ARHGAP26: variants seen among roughly 807,000 people sequenced by gnomAD.
ARHGAP26 encodes the protein Rho GTPase activating protein 26.
In ARHGAP26, 38 loss-of-function variants were observed where a neutral mutation model predicts 104.8. The ratio of observed to expected loss-of-function variants is 0.36; its 90% confidence interval spans 0.28 to 0.48. ARHGAP26 has a LOEUF of 0.48. Among genes scored for constraint, ARHGAP26 ranks in the 20% least tolerant of loss-of-function variants. ARHGAP26 has a pLI of 0.99. For missense variants in ARHGAP26, 704 were observed against 947.9 expected (o/e 0.74, Z 3.38); for synonymous variants, 341 against 340.0 (o/e 1.00, Z -0.03).
intron 17 of ARHGAP26, among the ~76,000 whole-genome samples, chr5:143,117,810 A>G (rs957200392): frequency 6.6e-6 from 1 of 152,228 alleles, no homozygotes; most frequent in African/African-American, 2.4e-5. Flanking sequence ...GTTGAGATAC[A>G]TTCCCCAAAA....
chr5:143,050,392 A>G (rs542087729), intron 14 of ARHGAP26, among the ~76,000 whole-genome samples: 1 of 151,988 alleles, frequency 6.6e-6, no homozygotes, highest in Non-Finnish European at 1.5e-5. Context: ...TTAGTAAAAC[A>G]GAGAACACAA....
chr5:142,886,908 CTT>C (rs1362135664), intron 5 of ARHGAP26, among the ~76,000 whole-genome samples: 5 of 152,204 alleles, frequency 3.3e-5, no homozygotes, highest in African/African-American at 1.2e-4. Context: ...TGGAAACTAA[CTT>C]ATATTTAAAG....
At chr5:143,020,883 G>A (rs1041517613) in intron 12 of ARHGAP26, among the ~76,000 whole-genome samples, 7 of 151,682 alleles carry the variant, frequency 4.6e-5, no homozygotes, top group Non-Finnish European at 7.4e-5. Context: ...CTCATGATCC[G>A]CCCATCTCGG....
At chr5:142,996,775 T>C (rs2152771513) in intron 11 of ARHGAP26, among the ~76,000 whole-genome samples, 1 of 152,274 alleles carries the variant, frequency 6.6e-6, no homozygotes, top group South Asian at 2.1e-4. Flanking sequence ...AGGTTGGGGT[T>C]GCAGATTTAG....
intron 22 of ARHGAP26, among the ~76,000 whole-genome samples, chr5:143,215,479 C>A (rs1251080251): frequency 6.6e-6 from 1 of 151,880 alleles, no homozygotes; most frequent in Non-Finnish European, 1.5e-5. Context: ...GATAGCCATA[C>A]AACATACAAT....
At chr5:142,787,995 CTT>C (rs71576156) in intron 1 of ARHGAP26, among the ~76,000 whole-genome samples, 14 of 132,764 alleles carry the variant, frequency 1.1e-4, no homozygotes, top group Admixed American at 2.3e-4. Context: ...TTAACCAATT[CTT>C]TTTTTTTTTT....
intron 17 of ARHGAP26, among the ~76,000 whole-genome samples, chr5:143,108,869 T>C (rs747415727): frequency 5.3e-5 from 8 of 152,222 alleles, no homozygotes; most frequent in Non-Finnish European, 1.2e-4. Context: ...TTTACATCTC[T>C]TGGGAAGTGA....
intron 11 of ARHGAP26, among the ~76,000 whole-genome samples, chr5:142,935,785 G>A (rs902614065): frequency 6.6e-6 from 1 of 152,120 alleles, no homozygotes; most frequent in African/African-American, 2.4e-5. Context: ...AAGAAAAGCA[G>A]CACAGTTTCT....
chr5:142,988,290 A>G (rs1217583449), intron 11 of ARHGAP26, among the ~76,000 whole-genome samples: 1 of 152,180 alleles, frequency 6.6e-6, no homozygotes, highest in East Asian at 1.9e-4. Context: ...AGGTGTTTAT[A>G]GTATTCTCTG....
chr5:143,097,587 G>A (rs1019893680), intron 17 of ARHGAP26, among the ~76,000 whole-genome samples: 7 of 151,808 alleles, frequency 4.6e-5, no homozygotes, highest in African/African-American at 9.7e-5. Context: ...TTGGGAGGTC[G>A]AGGCGGGTGG....
At chr5:143,031,936 CT>C (rs1176869332) in intron 12 of ARHGAP26, among the ~76,000 whole-genome samples, 1 of 152,108 alleles carries the variant, frequency 6.6e-6, no homozygotes, top group Non-Finnish European at 1.5e-5. Flanking sequence ...TGCCTCCAGC[CT>C]CCCGGGGTTC....
chr5:143,059,900 T>C (rs1786443996), intron 17 of ARHGAP26, among the ~76,000 whole-genome samples: 1 of 152,172 alleles, frequency 6.6e-6, no homozygotes, highest in Non-Finnish European at 1.5e-5. Context: ...GCGTGCTGTG[T>C]TCTTGTCTCT....
chr5:143,034,794 C>A (rs1782378472), intron 12 of ARHGAP26, among the ~76,000 whole-genome samples: 1 of 152,008 alleles, frequency 6.6e-6, no homozygotes, highest in Non-Finnish European at 1.5e-5. Context: ...TGGATTCCAA[C>A]AGGTATTTGG....
chr5:143,208,305 C>T (rs1367936355), intron 21 of ARHGAP26, among the ~76,000 whole-genome samples: 4 of 152,188 alleles, frequency 2.6e-5, no homozygotes, highest in Non-Finnish European at 5.9e-5. Context: ...TTCAGACAAC[C>T]AAATTGTAGA....
At chr5:142,782,821 G>A (rs1406739255) in intron 1 of ARHGAP26, among the ~76,000 whole-genome samples, 2 of 152,180 alleles carry the variant, frequency 1.3e-5, no homozygotes, top group Admixed American at 1.3e-4. Flanking sequence ...AGCAGTGTAA[G>A]CAGGCCTGTG....
Position 143,013,348 on chromosome 5 carries a change from C to T in ARHGAP26, c.1108-732C>T, listed in dbSNP as rs183940668. ...CCCACAAAGCATAAAATGTTAATGT[C>T]TGACCCGTTGCAGGAAAAACTTGCT... On this transcript the variant is annotated intron_variant, in intron 11 of 22. Transcript: ENST00000645722. Among the ~76,000 whole-genome samples the T allele has an allele frequency of 4.0e-3, 605 of 152,318 alleles. 1 individual carries two copies. Among genetic ancestry groups the T allele is most frequent in the Non-Finnish European group, 7.1e-3 (482 of 68,030 alleles).
intron 14 of ARHGAP26, among the ~76,000 whole-genome samples, chr5:143,046,222 T>C (rs1278831918): frequency 2.0e-5 from 3 of 152,152 alleles, no homozygotes; most frequent in Non-Finnish European, 4.4e-5. Context: ...GAGAATCCCT[T>C]GAACCCAGGA....
intron 10 of ARHGAP26, 121 bp from the exon 11 acceptor site, chr5:142,931,926 C>T: frequency 1.1e-6 from 1 of 913,466 alleles, no homozygotes; most frequent in Non-Finnish European, 1.8e-6. Context: ...TGTTTTGCCC[C>T]TCTTTGTGTT....
intron 20 of ARHGAP26, 77 bp downstream of exon 20, chr5:143,147,458 A>G (rs779499204): frequency 8.6e-6 from 13 of 1,515,324 alleles, no homozygotes; most frequent in Non-Finnish European, 1.2e-5. Context: ...GTCTGGCTCC[A>G]TCTGACTTTG....
Sources: allele counts gnomAD v4.1 joint callset (sites outside exome capture counted in the v4.1 genomes callset), GRCh38; gene constraint gnomAD v4.1.1; transcripts MANE v1.5; gene names NCBI Gene and HGNC (gene_info 2026-07-23, HGNC 2026-07-21).